The following TENM4 variants were observed in gnomAD, a reference collection of about 807,000 sequenced individuals.
TENM4 encodes teneurin transmembrane protein 4, also known as teneurin-4.
A neutral mutation model predicts 243.3 loss-of-function variants in TENM4; 82 were observed. The observed-to-expected ratio is 0.34, with a 90% confidence interval of 0.28 to 0.40. The LOEUF (loss-of-function observed/expected upper bound fraction) is 0.40. Among genes scored for constraint, TENM4 ranks in the 10% least tolerant of loss-of-function variants. TENM4 has a pLI of 1.00. For synonymous variants in TENM4, 1,412 were observed against 1,456.3 expected (o/e 0.97, Z 0.69); for missense variants, 3,138 against 3,673.3 (o/e 0.85, Z 3.77).
At chr11:78,675,409 G>A (rs1409752940) in intron 30 of TENM4, among the ~76,000 whole-genome samples, 2 of 152,172 alleles carry the variant, frequency 1.3e-5, no homozygotes, top group Non-Finnish European at 2.9e-5. Flanking sequence ...CCCATGGTGT[G>A]CAAGGTGCTG....
intron 2 of TENM4, among the ~76,000 whole-genome samples, chr11:79,221,963 G>T (rs561420962): frequency 6.6e-6 from 1 of 152,186 alleles, no homozygotes; most frequent in African/African-American, 2.4e-5. Context: ...TTCTGGCCTG[G>T]TTTCCACTCC....
rs11821457 is a variant in TENM4 at position 79,139,713 on chromosome 11, G to A, written c.-66+8997C>T. 3.8e-3 allele frequency among the ~76,000 whole-genome samples: 128 copies of A among 33,688 alleles called. 16 individuals are homozygous for A. Among genetic ancestry groups the A allele is most frequent in the African/African-American group, 0.027 (76 of 2,804 alleles). 22.1% of individuals were successfully genotyped at this position (33,688 alleles called of 152,430 possible). On this transcript the variant is annotated intron_variant, in intron 4 of 33. Transcript: ENST00000278550. ...TAAAATATATATAATATTTATATAA[G>A]TATATAAAATATATATTATATTTAT...
intron 15 of TENM4, among the ~76,000 whole-genome samples, chr11:78,791,623 C>T (rs1857058612): frequency 6.6e-6 from 1 of 152,186 alleles, no homozygotes; most frequent in Admixed American, 6.5e-5. Context: ...TTTCCTTGAC[C>T]TCAAGGAGTT....
intron 4 of TENM4, among the ~76,000 whole-genome samples, chr11:79,099,977 G>A (rs1200322388): frequency 1.3e-5 from 2 of 152,196 alleles, no homozygotes; most frequent in African/African-American, 2.4e-5. Context: ...TAGCAGTTTA[G>A]CAGCAGTAAA....
At chr11:79,170,327 C>A (rs1863012526) in intron 3 of TENM4, among the ~76,000 whole-genome samples, 1 of 152,160 alleles carries the variant, frequency 6.6e-6, no homozygotes, top group African/African-American at 2.4e-5. Context: ...ATGGCAGTAA[C>A]CACAGCAGTG....
intron 1 of TENM4, among the ~76,000 whole-genome samples, chr11:79,377,874 T>A (rs1356132264): frequency 1.3e-5 from 2 of 151,872 alleles, no homozygotes; most frequent in East Asian, 1.9e-4. Context: ...AAAATACAAT[T>A]AAAAAAAATA....
At chr11:78,708,998 C>G (rs1859334295) in intron 26 of TENM4, among the ~76,000 whole-genome samples, 1 of 140,554 alleles carries the variant, frequency 7.1e-6, no homozygotes, top group South Asian at 2.2e-4. Context: ...AAAAGAGTCT[C>G]GTTCTGTCAC....
At position 78,657,935 on chromosome 11, in the gene TENM4, T is replaced by C; in HGVS notation, c.*123A>G. 1.4e-6 allele frequency: 2 copies of C among 1,452,506 alleles called. No individual in the cohort carries two copies. The highest frequency in any genetic ancestry group is 1.9e-6 in the Non-Finnish European group (2 of 1,039,814). 90.0% of individuals were successfully genotyped at this position (1,452,506 alleles called of 1,614,324 possible). Reference sequence around the variant, plus strand: ...AAAAAGGATGTTGCATGAGTTACAATGCAACCAGTATCTTTTTGTTTCTGC... The same window carrying C: ...AAAAAGGATGTTGCATGAGTTACAACGCAACCAGTATCTTTTTGTTTCTGC... On this transcript the variant is annotated 3_prime_UTR_variant, in exon 34 of 34. Transcript: ENST00000278550.
chr11:79,271,334 G>A (rs1855965813), intron 2 of TENM4, among the ~76,000 whole-genome samples: 1 of 152,176 alleles, frequency 6.6e-6, no homozygotes, highest in Non-Finnish European at 1.5e-5. Flanking sequence ...ACTTTTTCTT[G>A]TCTTTCTAAA....
chr11:79,213,383 C>G (rs947332687), intron 3 of TENM4, among the ~76,000 whole-genome samples: 4 of 152,100 alleles, frequency 2.6e-5, no homozygotes, highest in African/African-American at 9.7e-5. Flanking sequence ...AGCTTGTGTT[C>G]TAATAGAAGA....
intron 2 of TENM4, among the ~76,000 whole-genome samples, chr11:79,265,758 T>G (rs1465457506): frequency 1.3e-5 from 2 of 152,168 alleles, no homozygotes; most frequent in Non-Finnish European, 2.9e-5. Flanking sequence ...TAAAACAGCA[T>G]GAGAGATGGG....
intron 4 of TENM4, among the ~76,000 whole-genome samples, chr11:79,118,365 C>A (rs1266088865): frequency 6.6e-6 from 1 of 152,130 alleles, no homozygotes; most frequent in Non-Finnish European, 1.5e-5. Flanking sequence ...GAAGATATTA[C>A]CTAATCCCCT....
At chr11:78,818,098 T>C (rs1039121723) in intron 12 of TENM4, among the ~76,000 whole-genome samples, 9 of 152,182 alleles carry the variant, frequency 5.9e-5, no homozygotes, top group African/African-American at 2.2e-4. Flanking sequence ...AGGGTCTCAA[T>C]AAATATTTGT....
chr11:79,363,722 A>G (rs1457989391), intron 1 of TENM4, among the ~76,000 whole-genome samples: 3 of 152,254 alleles, frequency 2.0e-5, no homozygotes, highest in Non-Finnish European at 4.4e-5. Flanking sequence ...GAATAAACTA[A>G]TAAAATGTCT....
intron 1 of TENM4, among the ~76,000 whole-genome samples, chr11:79,331,725 A>G (rs936247312): frequency 6.6e-6 from 1 of 152,208 alleles, no homozygotes. Flanking sequence ...TGTCAAGCCT[A>G]ATGGCCCTGG....
At chr11:79,325,942 T>G (rs1180929167) in intron 1 of TENM4, among the ~76,000 whole-genome samples, 1 of 152,140 alleles carries the variant, frequency 6.6e-6, no homozygotes, top group Non-Finnish European at 1.5e-5. Flanking sequence ...ATGTGAAAAT[T>G]AGGAACCAAA....
chr11:78,660,252 G>A (rs1378945952), intron 33 of TENM4, among the ~76,000 whole-genome samples: 2 of 152,216 alleles, frequency 1.3e-5, no homozygotes, highest in Non-Finnish European at 2.9e-5. Flanking sequence ...GTTCTCCATT[G>A]AATTCTGCTG....
chr11:79,203,705 G>T (rs1454313014), intron 3 of TENM4, among the ~76,000 whole-genome samples: 2 of 152,168 alleles, frequency 1.3e-5, no homozygotes, highest in Non-Finnish European at 2.9e-5. Flanking sequence ...AAGTGGCATA[G>T]TACAGTCTCT....
intron 2 of TENM4, among the ~76,000 whole-genome samples, chr11:79,275,241 GTC>G (rs371879430): frequency 0.2 from 29,905 of 150,538 alleles, 3,075 homozygotes; most frequent in African/African-American, 0.27. Flanking sequence ...GTGTGTGTGT[GTC>G]TGTGTGTGCG....
Sources: allele counts gnomAD v4.1 joint callset (sites outside exome capture counted in the v4.1 genomes callset), GRCh38; gene constraint gnomAD v4.1.1; transcripts MANE v1.5; gene names NCBI Gene and HGNC (gene_info 2026-07-23, HGNC 2026-07-21).